Variants in DNAH7 observed in about 807,000 individuals in gnomAD.
DNAH7 encodes the protein dynein axonemal heavy chain 7, also known as axonemal beta dynein heavy chain 7.
Under a neutral mutation model 444.6 loss-of-function variants are expected in DNAH7, and 397 were observed. The ratio of observed to expected loss-of-function variants is 0.89; its 90% CI spans 0.82 to 0.97. DNAH7 has a LOEUF of 0.97. Ranked by LOEUF, DNAH7 falls within the 50% of genes least tolerant of loss-of-function variation. DNAH7 has a pLI of 0.00. For synonymous variants in DNAH7, 1,636 were observed against 1,624.4 expected, an observed-to-expected ratio of 1.01 and a Z score of -0.17; for missense variants, 4,902 against 4,800.8, an observed-to-expected ratio of 1.02 and a Z score of -0.62.
chr2:195,740,650 TACAC>T (rs566613840), intron 64 of DNAH7, 112 bp downstream of exon 64: 883 of 72,384 alleles, frequency 0.012, 8 homozygotes, highest in Non-Finnish European at 0.017. Flanking sequence ...TATATACATA[TACAC>T]ACACACATAT....
intron 51 of DNAH7, among the ~76,000 whole-genome samples, chr2:195,812,403 A>G (rs13425769): frequency 0.015 from 2,296 of 152,248 alleles, 64 homozygotes; most frequent in African/African-American, 0.052. Flanking sequence ...TTACATATAC[A>G]TGCATATTTG....
intron 60 of DNAH7, among the ~76,000 whole-genome samples, chr2:195,775,238 C>T (rs995602783): frequency 1.3e-5 from 2 of 152,218 alleles, no homozygotes; most frequent in Non-Finnish European, 2.9e-5. Flanking sequence ...TGCTTTCCCA[C>T]ACCCCAGTGC....
At chr2:195,873,544 A>C (rs753559112) in intron 39 of DNAH7, 24 bp downstream of exon 39, 1 of 1,284,224 alleles carries the variant, frequency 7.8e-7, no homozygotes, top group Non-Finnish European at 1.0e-6. Flanking sequence ...CTAATTAAAA[A>C]AAAAACAAAT....
At chr2:195,791,375 G>GA (rs545585624) in intron 57 of DNAH7, among the ~76,000 whole-genome samples, 6,329 of 101,466 alleles carry the variant, frequency 0.062, 367 homozygotes, top group East Asian at 0.3. Context: ...GCTGAAGCAG[G>GA]AAAAAAAAAA....
intron 10 of DNAH7, among the ~76,000 whole-genome samples, chr2:196,006,344 A>T (rs925753422): frequency 3.3e-5 from 5 of 152,206 alleles, no homozygotes; most frequent in African/African-American, 1.2e-4. Flanking sequence ...ATGACCATGT[A>T]GAATCTACCT....
chr2:195,987,671 A>C (rs1693011849), intron 13 of DNAH7, among the ~76,000 whole-genome samples: 1 of 152,100 alleles, frequency 6.6e-6, no homozygotes, highest in African/African-American at 2.4e-5. Flanking sequence ...CACTAAGGCA[A>C]AAATCAAATA....
intron 48 of DNAH7, among the ~76,000 whole-genome samples, chr2:195,828,193 A>G (rs1697875522): frequency 6.6e-6 from 1 of 152,202 alleles, no homozygotes; most frequent in South Asian, 2.1e-4. Context: ...ATCAAGACAG[A>G]AAATATAATT....
At chr2:196,067,567 T>C (rs1698496470) in intron 1 of DNAH7, among the ~76,000 whole-genome samples, 2 of 152,270 alleles carry the variant, frequency 1.3e-5, no homozygotes, top group Admixed American at 6.5e-5. Context: ...ATTATACTTA[T>C]TTTTTTAAAA....
intron 30 of DNAH7, chr2:195,892,831 TA>T (rs1040712456): frequency 2.7e-5 from 4 of 149,920 alleles, no homozygotes; most frequent in African/African-American, 7.4e-5. Context: ...TTTTTATATA[TA>T]AAAACATAAC....
In DNAH7 at chr2:196,012,841, A is replaced by G. The variant is rs1694801619; in HGVS notation, c.935T>C (p.Phe312Ser). The G allele has an allele frequency of 1.3e-6, 2 of 1,578,644 alleles. No individual in the cohort carries two copies. The highest frequency in any genetic ancestry group is 1.7e-6 in the Non-Finnish European group (2 of 1,164,480). ...CATGTGTCTCATGATAATGTTCTGAAAACTTGACAGCTCTAATGCATCCTG... is the reference window on the plus strand; with the variant it reads ...CATGTGTCTCATGATAATGTTCTGAGAACTTGACAGCTCTAATGCATCCTG... ...NCQDALELSS[F>S]QNIIMRHMDS... Residue 312 changes from phenylalanine to serine, a missense_variant, in exon 10 of 65, where the codon TTT becomes TCT. Phe to Ser is a radical substitution (Grantham distance 155). Coordinates refer to ENST00000312428, the MANE Select transcript of DNAH7 (RefSeq NM_018897.3).
At chr2:195,801,812 TGACTGAGA>T (rs757933699) in intron 54 of DNAH7, among the ~76,000 whole-genome samples, 16 of 152,220 alleles carry the variant, frequency 1.1e-4, no homozygotes, top group Non-Finnish European at 2.2e-4. Context: ...AGTGCATGTG[TGACTGAGA>T]GACTGAGTGT....
chr2:195,884,075 A>G (rs1179521950), intron 35 of DNAH7, among the ~76,000 whole-genome samples: 1 of 152,026 alleles, frequency 6.6e-6, no homozygotes, highest in African/African-American at 2.4e-5. Context: ...ATATTTAAAT[A>G]ACATATATTC....
intron 8 of DNAH7, among the ~76,000 whole-genome samples, 190 bp downstream of exon 8, chr2:196,024,239 C>T (rs1033263324): frequency 3.3e-5 from 5 of 152,126 alleles, no homozygotes; most frequent in African/African-American, 9.7e-5. Context: ...GCAAACAACA[C>T]AGTATCTGTG....
intron 46 of DNAH7, among the ~76,000 whole-genome samples, chr2:195,847,540 T>C (rs1331851678): frequency 6.6e-6 from 1 of 151,686 alleles, no homozygotes; most frequent in African/African-American, 2.4e-5. Context: ...ACCTACTAGA[T>C]ACTATGCTTA....
At chr2:195,796,260 A>G (rs1696133023) in intron 56 of DNAH7, among the ~76,000 whole-genome samples, 1 of 152,218 alleles carries the variant, frequency 6.6e-6, no homozygotes, top group African/African-American at 2.4e-5. Flanking sequence ...GGCCATTGTT[A>G]TAAAAAGTAA....
chr2:195,934,749 T>C lies in DNAH7; in HGVS notation c.3313A>G (p.Lys1105Glu). 6.2e-7 allele frequency: 1 copy of C among 1,614,114 alleles called. No homozygotes were observed. The highest frequency in any genetic ancestry group is 8.5e-7 in the Non-Finnish European group (1 of 1,179,978). Residue 1105 changes from lysine to glutamate, a missense_variant, in exon 21 of 65, where the codon AAG becomes GAG. Coordinates refer to ENST00000312428, the MANE Select transcript of DNAH7 (RefSeq NM_018897.3). The stretch of plus-strand genomic sequence containing the variant: ...TCTAAAGTTTCCGTAAATTCTACCT[T>C]TGCGATTCCTTCAAAACATTTCTTC... The part of the protein sequence containing the change: ...HLKKCFEGIA[K>E]VEFTETLDIT...
rs748436740 is a variant in DNAH7 at position 195,808,884 on chromosome 2, A to G, written c.9889-8T>C. 1 of 1,611,194 alleles carries G rather than the reference A, an allele frequency of 6.2e-7. No homozygotes were observed. Among genetic ancestry groups the G allele is most frequent in the Non-Finnish European group, 8.5e-7 (1 of 1,178,630 alleles). On this transcript the variant is annotated splice_region_variant and splice_polypyrimidine_tract_variant and intron_variant, in intron 52 of 64. Coordinates refer to ENST00000312428, the MANE Select transcript of DNAH7 (RefSeq NM_018897.3). ...CCACTCAGCTTTATTAATCTTTGGA[A>G]AACAAGGCAGCGTGAAGAGTCAGAA...
At chr2:195,909,066 C>T (rs565763851) in intron 25 of DNAH7, among the ~76,000 whole-genome samples, 123 of 152,056 alleles carry the variant, frequency 8.1e-4, no homozygotes, top group African/African-American at 2.9e-3. Context: ...GAACAATGGA[C>T]ACTGGGGCCT....
At chr2:195,856,357 A>AC (rs1194009631) in intron 44 of DNAH7, among the ~76,000 whole-genome samples, 4 of 152,156 alleles carry the variant, frequency 2.6e-5, no homozygotes, top group African/African-American at 7.2e-5. Flanking sequence ...TTGTCATTTT[A>AC]CTTAAAAAAA....
Sources: gnomAD v4.1 joint callset for allele counts (sites outside exome capture counted in the v4.1 genomes callset) on GRCh38, gnomAD v4.1.1 for gene constraint, MANE v1.5 for transcripts, NCBI Gene and HGNC (gene_info 2026-07-23, HGNC 2026-07-21) for gene names.